PREP: variants seen among roughly 807,000 people sequenced by gnomAD.
The protein encoded by PREP is dJ355L5.1 (prolyl endopeptidase).
PREP carries 29 observed loss-of-function variants against 87.6 expected under a neutral mutation model. That is an observed-to-expected ratio of 0.33 (90% CI 0.25 to 0.45). The LOEUF is 0.45. PREP is among the 20% of genes least tolerant of loss of function. The probability of loss-of-function intolerance (pLI) is 1.00; values close to 1 mark genes in which losing one functional copy is unlikely to be tolerated. For synonymous variants in PREP, 337 were observed against 328.6 expected (o/e 1.03, Z -0.28); for missense variants, 695 against 886.5 (o/e 0.78, Z 2.74).
At chr6:105,321,601 A>C (rs933349315) in intron 10 of PREP, among the ~76,000 whole-genome samples, 1 of 152,202 alleles carries the variant, frequency 6.6e-6, no homozygotes, top group Non-Finnish European at 1.5e-5. Context: ...ATCTATAAAG[A>C]ATATTACCAT....
chr6:105,354,301 G>A (rs1414868886), intron 6 of PREP, among the ~76,000 whole-genome samples: 1 of 152,116 alleles, frequency 6.6e-6, no homozygotes, highest in East Asian at 1.9e-4. Flanking sequence ...TATATAACTA[G>A]AAGTAAAATT....
chr6:105,366,763 AACCG>A (rs1389095433), intron 6 of PREP, among the ~76,000 whole-genome samples: 2 of 152,216 alleles, frequency 1.3e-5, no homozygotes, highest in Non-Finnish European at 2.9e-5. Flanking sequence ...AAAGGAGGGA[AACCG>A]ACACACGCTA....
chr6:105,278,321 G>A lies in PREP; in HGVS notation c.1956C>T (p.Phe652=). ...DRVVPLHSLK[F]IATLQYIVGR... ...CCACGATGTACTGAAGGGTGGCAAT[G>A]AACTTCAGGGAGTGAAGCGGGACCA... Residue 652 remains phenylalanine (F), a synonymous_variant, in exon 15 of 15, where the codon TTC becomes TTT. Transcript: ENST00000652536. The surrounding 1 kb of genome is among the most constrained non-coding windows in gnomAD (Gnocchi z 4.2). The A allele has an allele frequency of 6.2e-7, 1 of 1,614,250 alleles. No individual in the cohort carries two copies. Among genetic ancestry groups the A allele is most frequent in the Non-Finnish European group, 8.5e-7 (1 of 1,180,042 alleles).
intron 2 of PREP, among the ~76,000 whole-genome samples, chr6:105,380,730 A>C (rs1772814201): frequency 6.6e-6 from 1 of 152,174 alleles, no homozygotes; most frequent in African/African-American, 2.4e-5. Context: ...AGACCCCAGC[A>C]TGCTGAGGGT....
intron 2 of PREP, among the ~76,000 whole-genome samples, chr6:105,379,349 C>A (rs1420600782): frequency 6.6e-6 from 1 of 152,186 alleles, no homozygotes; most frequent in Non-Finnish European, 1.5e-5. Flanking sequence ...GCTGACTGCA[C>A]TTTCCCTCAT....
chr6:105,342,194 G>C (rs138900200), intron 7 of PREP, among the ~76,000 whole-genome samples: 14,334 of 152,210 alleles, frequency 0.094, 1,053 homozygotes, highest in African/African-American at 0.2. Flanking sequence ...CCATGAGCAA[G>C]TGGGCTTCAT....
chr6:105,394,622 C>T (rs1310570798), intron 2 of PREP, among the ~76,000 whole-genome samples: 1 of 152,124 alleles, frequency 6.6e-6, no homozygotes, highest in Non-Finnish European at 1.5e-5. Flanking sequence ...GAACTAGGTA[C>T]AAAATAAATA....
At chr6:105,392,239 T>C (rs937084695) in intron 2 of PREP, among the ~76,000 whole-genome samples, 8 of 151,980 alleles carry the variant, frequency 5.3e-5, no homozygotes, top group Middle Eastern at 3.2e-3. Context: ...GGGGTTTCAC[T>C]GTATTAGCCA....
chr6:105,288,940 G>C, intron 10 of PREP, 46 bp from the exon 11 acceptor site: 1 of 1,562,264 alleles, frequency 6.4e-7, no homozygotes, highest in Non-Finnish European at 8.8e-7. Context: ...TTACTTAGTA[G>C]ATACTGCGTG....
intron 10 of PREP, among the ~76,000 whole-genome samples, chr6:105,297,011 G>A (rs1317132278): frequency 6.6e-6 from 1 of 152,210 alleles, no homozygotes; most frequent in African/African-American, 2.4e-5. Context: ...TAGGCTATGG[G>A]GGTTCATGAT....
chr6:105,397,921 C>T lies in PREP; in HGVS notation c.52G>A (p.Asp18Asn). The T allele has an allele frequency of 6.2e-7, 1 of 1,608,584 alleles. No homozygotes were observed. Among genetic ancestry groups the T allele is most frequent in the South Asian group, 1.1e-5 (1 of 90,950 alleles). Residue 18 changes from aspartate (D) to asparagine (N), a missense_variant, in exon 2 of 15, where the codon GAT becomes AAT. Physicochemically the swap from Asp to Asn is conservative, Grantham distance 23 (BLOSUM62 1). Transcript: ENST00000652536. The stretch of plus-strand genomic sequence containing the variant: ...TCACAAATTTTATGACCATGATAAT[C>T]CTGTACCTGTAAAAAACAAAATGAG... ...DVYRDETAVQ[D>N]YHGHKICDPY... is the part of the protein sequence containing the mutation.
chr6:105,328,084 A>G (rs974993282), intron 9 of PREP, among the ~76,000 whole-genome samples: 1 of 152,192 alleles, frequency 6.6e-6, no homozygotes, highest in Non-Finnish European at 1.5e-5. Flanking sequence ...TCATGATGTA[A>G]GACTATACTT....
intron 6 of PREP, among the ~76,000 whole-genome samples, chr6:105,362,547 C>T (rs1472629542): frequency 6.6e-6 from 1 of 152,194 alleles, no homozygotes; most frequent in African/African-American, 2.4e-5. Context: ...ATCAACAAAT[C>T]CAACATGTCT....
chr6:105,364,000 A>G (rs1772317544), intron 6 of PREP, among the ~76,000 whole-genome samples: 1 of 152,216 alleles, frequency 6.6e-6, no homozygotes, highest in African/African-American at 2.4e-5. Context: ...AGCAGCCAAG[A>G]GAGGCCAACA....
Position 105,333,406 on chromosome 6 carries a change from G to A in PREP, c.923C>T (p.Ser308Phe). The change falls in exon 8 of 15, where the codon TCT (serine) becomes TTT (phenylalanine). Residue 308 changes from serine (S) to phenylalanine (F), a missense_variant. Physicochemically the swap from Ser to Phe is radical, Grantham distance 155 (BLOSUM62 -2). Transcript: ENST00000652536. Reference sequence around the variant, plus strand: ...AATGTTGATCACGCGATAGTTGGGAGACTGGCGATTCGTCTTGAATGTGAA... The same window carrying A: ...AATGTTGATCACGCGATAGTTGGGAAACTGGCGATTCGTCTTGAATGTGAA... The part of the protein sequence containing the change: ...TVFTFKTNRQ[S>F]PNYRVINIDF... 1 of 1,614,130 alleles carries A rather than the reference G, an allele frequency of 6.2e-7. No individual in the cohort carries two copies. Among genetic ancestry groups the A allele is most frequent in the Non-Finnish European group, 8.5e-7 (1 of 1,179,974 alleles).
intron 10 of PREP, among the ~76,000 whole-genome samples, chr6:105,312,752 G>C (rs1449981356): frequency 6.6e-6 from 1 of 152,160 alleles, no homozygotes; most frequent in African/African-American, 2.4e-5. Context: ...GTTGGCGTTT[G>C]GATGAATATT....
rs559261764 is a variant in PREP, at chr6:105,303,878, A to G, written c.1318-14984T>C. ...AAAATACCTGCCAGTTAGTTTCTAT[A>G]TTTTTCACAACAGAGTTTTCTTTAG... On this transcript the variant is annotated intron_variant, in intron 10 of 14. Coordinates refer to ENST00000652536, the MANE Select transcript of PREP (RefSeq NM_002726.5). Among the ~76,000 whole-genome samples the G allele has an allele frequency of 2.6e-5, 4 of 152,312 alleles. No individual in the cohort carries two copies. In the South Asian group the frequency reaches 6.2e-4, roughly 24 times the overall value.
rs543074504 is a variant in PREP at position 105,340,196 on chromosome 6, G to A, written c.824-6691C>T. Among the ~76,000 whole-genome samples, 7 of 152,218 alleles carry A rather than the reference G, an allele frequency of 4.6e-5. No individual in the cohort carries two copies. In the South Asian group the frequency reaches 6.2e-4, roughly 14 times the overall value. ...CCATCAGACTAAAAGCAGATCTCTC[G>A]GCAGAAACTCTACAAGCCACAAGAG... On this transcript the variant is annotated intron_variant, in intron 7 of 14. Coordinates refer to ENST00000652536, the MANE Select transcript of PREP (RefSeq NM_002726.5).
chr6:105,365,124 G>A (rs970195954), intron 6 of PREP, among the ~76,000 whole-genome samples: 1 of 152,170 alleles, frequency 6.6e-6, no homozygotes, highest in Non-Finnish European at 1.5e-5. Flanking sequence ...GCATGAGCCT[G>A]TAATCCCAGC....
Sources: allele counts gnomAD v4.1 joint callset (sites outside exome capture counted in the v4.1 genomes callset), GRCh38; gene constraint gnomAD v4.1.1; non-coding constraint Gnocchi (gnomAD v3.1); transcripts MANE v1.5; gene names NCBI Gene and HGNC (gene_info 2026-07-23, HGNC 2026-07-21).